CRAMP1: variants seen among roughly 807,000 people sequenced by gnomAD.
CRAMP1 encodes cramped chromatin regulator 1.
In CRAMP1, 50 loss-of-function variants were observed where a neutral mutation model predicts 115.4. The ratio of observed to expected loss-of-function variants is 0.43; its 90% CI spans 0.35 to 0.55. CRAMP1 has a LOEUF of 0.55. Among genes scored for constraint, CRAMP1 ranks in the 20% least tolerant of loss-of-function variants. CRAMP1 has a pLI of 0.01. For synonymous variants in CRAMP1, 866 were observed against 745.4 expected, an observed-to-expected ratio of 1.16 and a Z score of -2.64; for missense variants, 1,679 against 1,721.7, an observed-to-expected ratio of 0.98 and a Z score of 0.44.
chr16:1,659,151 C>T (rs1171453927), intron 10 of CRAMP1, among the ~76,000 whole-genome samples: 4 of 152,130 alleles, frequency 2.6e-5, no homozygotes, highest in Non-Finnish European at 2.9e-5. Flanking sequence ...ATATTTCCTT[C>T]CTCTGACTCA....
rs199923669 is a variant in CRAMP1 at position 1,674,022 on chromosome 16, G to A, written c.3787G>A (p.Ala1263Thr). ...ALFDGGGGGPAVSDLSQ is the reference protein window; with the variant it reads ...ALFDGGGGGPTVSDLSQ ...GTTTGATGGTGGTGGAGGCGGCCCC[G>A]CTGTCAGTGACCTGTCCCAGTGACC... Residue 1263 changes from alanine to threonine, a missense_variant, in exon 21 of 21, where the codon GCT becomes ACT. By Grantham distance (58) the Ala-to-Thr change is moderately conservative. Around this residue, in one of 8 missense-constraint regions of CRAMP1, gnomAD observed 709 missense variants for 741.9 expected, o/e 0.96. Coordinates refer to ENST00000397412, the MANE Select transcript of CRAMP1 (RefSeq NM_020825.4). 25 of 1,611,918 alleles carry A rather than the reference G, an allele frequency of 1.6e-5. No homozygotes were observed. The African/African-American group carries it at 2.4e-4, about 16-fold the overall frequency.
Position 1,656,354 on chromosome 16 carries a change from A to G in CRAMP1, c.1597A>G (p.Ser533Gly). The stretch of plus-strand genomic sequence containing the variant: ...GAAGACCCCTGCAGAAGGCAGGGAC[A>G]GTCCCACCCGGGAGCCAGGGGCCTT... ...LEKTPAEGRD[S>G]PTREPGALPC... Residue 533 changes from serine to glycine, a missense_variant, in exon 10 of 21, where the codon AGT becomes GGT. Transcript: ENST00000397412. The surrounding 1 kb of genome is among the most constrained non-coding windows in gnomAD (Gnocchi z 5.6). 1 of 1,605,638 alleles carries G rather than the reference A, an allele frequency of 6.2e-7. No homozygotes were observed. Among genetic ancestry groups the G allele is most frequent in the Non-Finnish European group, 8.5e-7 (1 of 1,176,628 alleles).
At chr16:1,648,573 C>G (rs952561329) in intron 6 of CRAMP1, among the ~76,000 whole-genome samples, 3 of 151,328 alleles carry the variant, frequency 2.0e-5, no homozygotes, top group Non-Finnish European at 2.9e-5. Flanking sequence ...CCGCTGCACT[C>G]CAGGCTGGGC....
intron 6 of CRAMP1, among the ~76,000 whole-genome samples, chr16:1,647,567 C>A (rs1216408130): frequency 6.6e-6 from 1 of 151,860 alleles, no homozygotes; most frequent in African/African-American, 2.4e-5. Flanking sequence ...ATGGTGAAAT[C>A]CCGTCTGTAT....
At position 1,614,738 on chromosome 16, in the gene CRAMP1, C is replaced by T. The variant is rs748220918; in HGVS notation, c.99C>T (p.Ala33=). The change falls in exon 2 of 21, where the codon GCC becomes GCT. Residue 33 remains alanine (A), a synonymous_variant. Coordinates refer to ENST00000397412, the MANE Select transcript of CRAMP1 (RefSeq NM_020825.4). This position sits in a 1 kb window ranked among gnomAD's most constrained non-coding sequence, Gnocchi z 4.4. ...AGGAGTCCCTGGAAGGAGAAGGGGC[C>T]GGCGGCGCAGACGCGGCCGAGGAGA... is the stretch of plus-strand genomic sequence containing the variant. ...ADEESLEGEG[A]GGADAAEESS... 88 of 1,366,228 alleles carry T rather than the reference C, an allele frequency of 6.4e-5. No individual in the cohort carries two copies. The Admixed American group carries it at 1.0e-3, about 16-fold the overall frequency. The allele number at this position is 1,366,228 out of a possible 1,614,324, so 84.6% of individuals were successfully genotyped here.
At chr16:1,647,356 G>A (rs946672223) in intron 6 of CRAMP1, among the ~76,000 whole-genome samples, 1 of 152,198 alleles carries the variant, frequency 6.6e-6, no homozygotes, top group South Asian at 2.1e-4. Flanking sequence ...AAATGTATCC[G>A]AAACGAAAGC....
chr16:1,619,465 G>A (rs183962658), intron 2 of CRAMP1, among the ~76,000 whole-genome samples: 7 of 152,332 alleles, frequency 4.6e-5, no homozygotes, highest in South Asian at 2.1e-4. Flanking sequence ...TCAGGCGTGA[G>A]CCACTGCGCC....
At position 1,665,131 on chromosome 16, in the gene CRAMP1, C is replaced by T. The variant is rs779982445; in HGVS notation, c.2745C>T (p.Ser915=). The T allele has an allele frequency of 1.9e-5, 31 of 1,609,366 alleles. 1 individual carries two copies. The highest frequency in any genetic ancestry group is 2.3e-5 in the Non-Finnish European group (27 of 1,175,794). The part of the protein sequence containing the change: ...VCSFSILSNS[S]VTGRGSFRPI... Reference sequence around the variant, plus strand: ...CCTTCTCCATCCTGTCTAACTCTTCCGTAACTGGTAAGGACCCTGAGCTTT... The same window carrying T: ...CCTTCTCCATCCTGTCTAACTCTTCTGTAACTGGTAAGGACCCTGAGCTTT... The change falls in exon 14 of 21, where the codon TCC becomes TCT. Residue 915 remains serine, a synonymous_variant. Coordinates refer to ENST00000397412, the MANE Select transcript of CRAMP1 (RefSeq NM_020825.4).
chr16:1,640,378 C>T (rs2036622120), intron 5 of CRAMP1, among the ~76,000 whole-genome samples: 1 of 152,102 alleles, frequency 6.6e-6, no homozygotes, highest in African/African-American at 2.4e-5. Flanking sequence ...TCATCTATGC[C>T]CTCATTCCTC....
chr16:1,645,752 C>T (rs907425011), intron 6 of CRAMP1, among the ~76,000 whole-genome samples: 2 of 152,240 alleles, frequency 1.3e-5, no homozygotes, highest in African/African-American at 4.8e-5. Context: ...TAGTCTCCCG[C>T]TCTCTCTAGC....
chr16:1,654,775 T>C (rs1596493317), intron 8 of CRAMP1, among the ~76,000 whole-genome samples: 4 of 152,244 alleles, frequency 2.6e-5, no homozygotes, highest in Admixed American at 2.6e-4. Flanking sequence ...GCCTGGCATC[T>C]TTCACTGGGC....
In CRAMP1 at chr16:1,676,308, ACTCCT is replaced by A. The variant is rs2036967374; in HGVS notation, c.*2269_*2273del. ...ATGGGTTAGGGAGGAGGACGGGCTG[ACTCCT>A]CTCCTGTAATAAAGCTGACAAGAGT... On this transcript the variant is annotated 3_prime_UTR_variant, in exon 21 of 21. Coordinates refer to ENST00000397412, the MANE Select transcript of CRAMP1 (RefSeq NM_020825.4). The A allele has an allele frequency of 6.6e-6, 1 of 151,388 alleles. No individual in the cohort carries two copies. The highest frequency in any genetic ancestry group is 1.5e-5 in the Non-Finnish European group (1 of 68,082). The allele number at this position is 151,388 out of a possible 1,614,324, so 9.4% of individuals were successfully genotyped here. A position where few individuals can be genotyped will look rare whatever the true frequency, so the allele number is the denominator to read the frequency against.
At chr16:1,636,109 G>A (rs1477513352) in intron 4 of CRAMP1, among the ~76,000 whole-genome samples, 2 of 152,128 alleles carry the variant, frequency 1.3e-5, no homozygotes, top group African/African-American at 4.8e-5. Context: ...GGTGGCTCAC[G>A]CCTGTAATCC....
At chr16:1,639,125 C>G (rs979696035) in intron 5 of CRAMP1, among the ~76,000 whole-genome samples, 2 of 152,066 alleles carry the variant, frequency 1.3e-5, no homozygotes, top group Non-Finnish European at 2.9e-5. Flanking sequence ...AGGAAAACCC[C>G]ATCTTGACCA....
chr16:1,629,577 G>A (rs544662462), intron 3 of CRAMP1, among the ~76,000 whole-genome samples: 1 of 152,258 alleles, frequency 6.6e-6, no homozygotes, highest in East Asian at 1.9e-4. Flanking sequence ...TTAAGAACAC[G>A]TGAGCAGGAG....
rs765434904 is a variant in CRAMP1 at position 1,656,505 on chromosome 16, G to T, written c.1748G>T (p.Arg583Leu). ...VPEQCRCADT[R>L]PGSEQPPLGG... ...GAGCAGTGCCGCTGTGCGGACACACGGCCTGGGAGCGAGCAGCCCCCTCTG... is the reference window on the plus strand; with the variant it reads ...GAGCAGTGCCGCTGTGCGGACACACTGCCTGGGAGCGAGCAGCCCCCTCTG... The change falls in exon 10 of 21, where the codon CGG (arginine) becomes CTG (leucine). Residue 583 changes from arginine (R) to leucine (L), a missense_variant. By Grantham distance (102) the Arg-to-Leu change is moderately radical (BLOSUM62 -2). Coordinates refer to ENST00000397412, the MANE Select transcript of CRAMP1 (RefSeq NM_020825.4). This position sits in a 1 kb window ranked among gnomAD's most constrained non-coding sequence, Gnocchi z 5.6. 1.3e-6 allele frequency: 2 copies of T among 1,568,628 alleles called. No homozygotes were observed. Among genetic ancestry groups the T allele is most frequent in the East Asian group, 2.4e-5 (1 of 42,006 alleles).
intron 3 of CRAMP1, among the ~76,000 whole-genome samples, chr16:1,628,907 C>T (rs922366674): frequency 1.3e-5 from 2 of 152,230 alleles, no homozygotes; most frequent in African/African-American, 4.8e-5. Context: ...CCCCTGCACA[C>T]CCTACTTTGG....
chr16:1,630,772 CA>C (rs2036543037), intron 3 of CRAMP1, among the ~76,000 whole-genome samples: 2 of 152,226 alleles, frequency 1.3e-5, no homozygotes, highest in South Asian at 4.1e-4. Flanking sequence ...TGGAGACTCA[CA>C]GCATGTTGGT....
At position 1,614,627 on chromosome 16, in the gene CRAMP1, T is replaced by C; in HGVS notation, c.-1-12T>C. On this transcript the variant is annotated splice_polypyrimidine_tract_variant and intron_variant, in intron 1 of 20. Coordinates refer to ENST00000397412, the MANE Select transcript of CRAMP1 (RefSeq NM_020825.4). This position sits in a 1 kb window ranked among gnomAD's most constrained non-coding sequence, Gnocchi z 4.4. ...CCCGCCTCACCGGCCGCCTCCCCTC[T>C]CCCGGCCGCAGGATGACAGTGAAGT... The C allele has an allele frequency of 4.9e-6, 6 of 1,236,664 alleles. No individual in the cohort carries two copies. The highest frequency in any genetic ancestry group is 6.1e-6 in the Non-Finnish European group (6 of 985,434). The allele number at this position is 1,236,664 out of a possible 1,614,324, so 76.6% of individuals were successfully genotyped here.
Sources: gnomAD v4.1 joint callset for allele counts (sites outside exome capture counted in the v4.1 genomes callset) on GRCh38, gnomAD v4.1.1 for gene constraint, gnomAD v4.1.1 regional missense constraint, Gnocchi (gnomAD v3.1) non-coding constraint, MANE v1.5 for transcripts, NCBI Gene and HGNC (gene_info 2026-07-23, HGNC 2026-07-21) for gene names.